GRXCR1: variants seen among roughly 807,000 people sequenced by gnomAD.
GRXCR1 encodes glutaredoxin and cysteine rich domain containing 1.
A neutral mutation model predicts 27.3 loss-of-function variants in GRXCR1; 27 were observed. The observed-to-expected ratio is 0.99, with a 90% CI of 0.73 to 1.37. The LOEUF (loss-of-function observed/expected upper bound fraction) is 1.37. Ranked by LOEUF, GRXCR1 falls within the 40% of genes most tolerant of loss-of-function variation. GRXCR1 has a pLI of 0.00. For missense variants in GRXCR1, 379 were observed against 354.4 expected (o/e 1.07, Z -0.56); for synonymous variants, 122 against 131.1 (o/e 0.93, Z 0.47).
chr4:43,012,282 A>G (rs1356290900), intron 2 of GRXCR1, among the ~76,000 whole-genome samples: 2 of 152,210 alleles, frequency 1.3e-5, no homozygotes, highest in African/African-American at 4.8e-5. Flanking sequence ...TGACTGGAAC[A>G]TCCTCAAATT....
At chr4:42,917,200 G>A (rs1423962951) in intron 1 of GRXCR1, among the ~76,000 whole-genome samples, 2 of 152,066 alleles carry the variant, frequency 1.3e-5, no homozygotes, top group African/African-American at 4.8e-5. Context: ...TATTTATCAA[G>A]TGGAATCCTT....
At chr4:42,979,704 A>C (rs1313760704) in intron 2 of GRXCR1, among the ~76,000 whole-genome samples, 4 of 151,952 alleles carry the variant, frequency 2.6e-5, no homozygotes, top group Non-Finnish European at 4.4e-5. Flanking sequence ...TTTTGAGTTT[A>C]TTGGAAGAGA....
At chr4:42,987,277 T>TAG (rs1181869530) in intron 2 of GRXCR1, among the ~76,000 whole-genome samples, 4,931 of 103,494 alleles carry the variant, frequency 0.048, 197 homozygotes, top group Middle Eastern at 0.071. Flanking sequence ...TATATATATA[T>TAG]AGAGAGAGAG....
At position 42,948,445 on chromosome 4, in the gene GRXCR1, T is replaced by A. The variant is rs942076599; in HGVS notation, c.385-14447T>A. Among the ~76,000 whole-genome samples, 6 of 152,262 alleles carry A rather than the reference T, an allele frequency of 3.9e-5. No homozygotes were observed. The East Asian group carries it at 9.7e-4, about 25-fold the overall frequency. The stretch of plus-strand genomic sequence containing the variant: ...CAAGGGTCTTGGAAGAACAGTGTGT[T>A]TCATGGTTACCTTATTAGAATTACC... On this transcript the variant is annotated intron_variant, in intron 1 of 3. Transcript: ENST00000399770.
chr4:43,000,850 C>T (rs900243926), intron 2 of GRXCR1, among the ~76,000 whole-genome samples: 2 of 151,994 alleles, frequency 1.3e-5, no homozygotes, highest in African/African-American at 4.8e-5. Flanking sequence ...ACTATATTAC[C>T]AATTCGTATA....
At chr4:42,981,861 T>C (rs766798479) in intron 2 of GRXCR1, among the ~76,000 whole-genome samples, 1 of 152,322 alleles carries the variant, frequency 6.6e-6, no homozygotes. Flanking sequence ...GGATCTTCTC[T>C]TTATCTTTGA....
chr4:43,008,905 G>C (rs77521608), intron 2 of GRXCR1, among the ~76,000 whole-genome samples: 4,811 of 152,284 alleles, frequency 0.032, 85 homozygotes, highest in African/African-American at 0.041. Flanking sequence ...TGCTTGAAGA[G>C]CATCTTATTA....
At chr4:42,947,774 T>C (rs1045371996) in intron 1 of GRXCR1, among the ~76,000 whole-genome samples, 1 of 152,216 alleles carries the variant, frequency 6.6e-6, no homozygotes, top group African/African-American at 2.4e-5. Flanking sequence ...TAGCAATCAA[T>C]CTTGTTTTCA....
At chr4:43,013,623 T>C (rs963797146) in intron 2 of GRXCR1, among the ~76,000 whole-genome samples, 9 of 151,982 alleles carry the variant, frequency 5.9e-5, no homozygotes, top group Non-Finnish European at 1.2e-4. Context: ...TACCCCTGAA[T>C]CGAAAATACA....
At chr4:43,006,118 T>A (rs996796166) in intron 2 of GRXCR1, among the ~76,000 whole-genome samples, 3 of 152,228 alleles carry the variant, frequency 2.0e-5, no homozygotes, top group Admixed American at 6.5e-5. Context: ...CAATCAATAC[T>A]CTTGTGATTT....
chr4:42,895,448 A>T lies in GRXCR1; in HGVS notation c.384+1798A>T, dbSNP rs572767302. 2.6e-5 allele frequency among the ~76,000 whole-genome samples: 4 copies of T among 152,254 alleles called. No individual in the cohort carries two copies. In the East Asian group the frequency reaches 7.7e-4, roughly 29 times the overall value. On this transcript the variant is annotated intron_variant, in intron 1 of 3. Transcript: ENST00000399770. ...CTTTCTTTATAATGTTGGCAAAGTCATCAGCCTATTGTAGGCATTCACAAA... is the reference window on the plus strand; with the variant it reads ...CTTTCTTTATAATGTTGGCAAAGTCTTCAGCCTATTGTAGGCATTCACAAA...
At chr4:42,956,495 A>G (rs1389532853) in intron 1 of GRXCR1, among the ~76,000 whole-genome samples, 2 of 151,902 alleles carry the variant, frequency 1.3e-5, no homozygotes, top group South Asian at 2.1e-4. Context: ...TAAAGTTCAT[A>G]TAAAACTGGA....
At chr4:42,940,265 A>T (rs947003242) in intron 1 of GRXCR1, among the ~76,000 whole-genome samples, 4 of 152,064 alleles carry the variant, frequency 2.6e-5, no homozygotes, top group Non-Finnish European at 5.9e-5. Context: ...TATCAAAATT[A>T]CCATGTAAAT....
chr4:42,988,334 C>T (rs536136772), intron 2 of GRXCR1, among the ~76,000 whole-genome samples: 60 of 152,224 alleles, frequency 3.9e-4, no homozygotes, highest in African/African-American at 1.3e-3. Context: ...ACCACATTTC[C>T]GTCATTTCTC....
intron 2 of GRXCR1, among the ~76,000 whole-genome samples, chr4:43,012,030 A>T (rs138708597): frequency 7.9e-5 from 12 of 152,166 alleles, no homozygotes; most frequent in Non-Finnish European, 1.5e-5. Context: ...TCAACTAATT[A>T]TATTTCTCAA....
intron 1 of GRXCR1, among the ~76,000 whole-genome samples, chr4:42,923,037 A>T (rs1340185551): frequency 2.0e-5 from 3 of 151,932 alleles, no homozygotes; most frequent in African/African-American, 7.3e-5. Context: ...TGAACACTCA[A>T]CCCCCAACCT....
chr4:42,955,285 T>C (rs1747972975), intron 1 of GRXCR1, among the ~76,000 whole-genome samples: 1 of 152,076 alleles, frequency 6.6e-6, no homozygotes, highest in African/African-American at 2.4e-5. Context: ...AAAAAAAATA[T>C]TCAACATGCC....
chr4:42,948,972 A>C (rs548584683), intron 1 of GRXCR1, among the ~76,000 whole-genome samples: 2 of 152,250 alleles, frequency 1.3e-5, no homozygotes, highest in Admixed American at 6.5e-5. Context: ...TGTTGAGATA[A>C]ATTTTTTGTG....
intron 3 of GRXCR1, among the ~76,000 whole-genome samples, chr4:43,023,577 T>C (rs1174270453): frequency 6.6e-6 from 1 of 152,192 alleles, no homozygotes; most frequent in African/African-American, 2.4e-5. Context: ...AGATCTGGTC[T>C]CAGTAGAGTT....
Sources: gnomAD v4.1 joint callset for allele counts (sites outside exome capture counted in the v4.1 genomes callset) on GRCh38, gnomAD v4.1.1 for gene constraint, MANE v1.5 for transcripts, NCBI Gene and HGNC (gene_info 2026-07-23, HGNC 2026-07-21) for gene names.